MROH2A: variants seen among roughly 807,000 people sequenced by gnomAD.
The protein encoded by MROH2A is maestro heat like repeat family member 2A.
In MROH2A, 174 loss-of-function variants were observed where a neutral mutation model predicts 200.4. The observed-to-expected ratio is 0.87, with a 90% confidence interval of 0.77 to 0.98. The LOEUF is 0.98. Ranked by LOEUF, MROH2A falls within the 50% of genes least tolerant of loss-of-function variation. The pLI, the probability that MROH2A is intolerant of heterozygous loss-of-function variation, is 0.00. For missense variants in MROH2A, 2,045 were observed against 2,139.6 expected (o/e 0.96, Z 0.87); for synonymous variants, 829 against 840.4 (o/e 0.99, Z 0.23).
rs2124885785 is a variant in MROH2A, at chr2:233,823,602, C to T, written c.4051C>T (p.Leu1351=). Reference sequence around the variant, plus strand: ...GGGCCACAGGCAGAGGCTGGCCGAGCTGGTGCTCAGGGGCATGGACTCAGA... The same window carrying T: ...GGGCCACAGGCAGAGGCTGGCCGAGTTGGTGCTCAGGGGCATGGACTCAGA... ...VEGHRQRLAE[L]VLRGMDSEVL... is the part of the protein sequence containing the mutation. Residue 1351 remains leucine (L), a synonymous_variant, in exon 35 of 42, where the codon CTG becomes TTG. Transcript: ENST00000389758. 1 of 1,550,366 alleles carries T rather than the reference C, an allele frequency of 6.5e-7. No homozygotes were observed. The highest frequency in any genetic ancestry group is 1.2e-5 in the South Asian group (1 of 84,048).
intron 8 of MROH2A, 74 bp downstream of exon 8, chr2:233,794,580 T>A: frequency 9.1e-6 from 7 of 770,554 alleles, no homozygotes; most frequent in Admixed American, 2.5e-5. Flanking sequence ...TTAAAGGGGA[T>A]GAGTGGGAGC....
intron 12 of MROH2A, 44 bp downstream of exon 12, chr2:233,798,894 C>T (rs1018519855): frequency 1.3e-6 from 2 of 1,488,432 alleles, no homozygotes; most frequent in Non-Finnish European, 1.8e-6. Flanking sequence ...TCAGGGGACC[C>T]TGCCAGGGAG....
chr2:233,819,303 C>T lies in MROH2A; in HGVS notation c.3205-14C>T, dbSNP rs756238645. 44 of 1,546,944 alleles carry T rather than the reference C, an allele frequency of 2.8e-5. No individual in the cohort carries two copies. Among genetic ancestry groups the T allele is most frequent in the Middle Eastern group, 1.7e-4 (1 of 5,994 alleles). On this transcript the variant is annotated splice_polypyrimidine_tract_variant and intron_variant, in intron 29 of 41. Coordinates refer to ENST00000389758, the MANE Select transcript of MROH2A (RefSeq NM_001394639.1). Reference sequence around the variant, plus strand: ...GGCAGGGGAGGGCAGGGGAGTCACCCGCTCTGCTCCTAGGTGGTCTGCATG... The same window carrying T: ...GGCAGGGGAGGGCAGGGGAGTCACCTGCTCTGCTCCTAGGTGGTCTGCATG...
intron 11 of MROH2A, among the ~76,000 whole-genome samples, chr2:233,798,265 A>G (rs949130595): frequency 1.1e-4 from 17 of 152,228 alleles, no homozygotes; most frequent in African/African-American, 4.1e-4. Context: ...ACTCTGTGTT[A>G]ACTCTGTGAG....
intron 29 of MROH2A, among the ~76,000 whole-genome samples, chr2:233,819,110 A>G (rs1474898377): frequency 6.6e-6 from 1 of 152,168 alleles, no homozygotes; most frequent in African/African-American, 2.4e-5. Context: ...CACAGTGATG[A>G]ATGGAAGTGC....
rs533386724 is a variant in MROH2A at position 233,799,822 on chromosome 2, T to C, written c.1372T>C (p.Cys458Arg). The C allele has an allele frequency of 2.3e-4, 361 of 1,550,556 alleles. 2 individuals are homozygous for C. In the Middle Eastern group the frequency reaches 4.2e-3, roughly 18 times the overall value. Residue 458 changes from cysteine (C) to arginine (R), a missense_variant, in exon 13 of 42, where the codon TGT becomes CGT. Transcript: ENST00000389758. ...ILHIIGQLAL[C>R]GYQERIKGWG... ...CCACATCATTGGGCAGTTGGCTCTC[T>C]GTGGCTACCAGGAGAGAATCAAAGG...
chr2:233,787,485 A>T (rs12995326), intron 3 of MROH2A, among the ~76,000 whole-genome samples: 39,386 of 127,572 alleles, frequency 0.31, 6,658 homozygotes, highest in South Asian at 0.37. Flanking sequence ...TACATATATA[A>T]TATATATACA....
chr2:233,822,454 T>C lies in MROH2A; in HGVS notation c.3764T>C (p.Leu1255Pro). ...CCTGACCTCATCTACACCCTCCTGC[T>C]GCAGCTTGGAAGCAGCCACCGACCA... ...FLPDLIYTLL[L>P]QLGSSHRPEA... is the part of the protein sequence containing the mutation. The change falls in exon 33 of 42, where the codon CTG becomes CCG. Residue 1255 changes from leucine (L) to proline (P), a missense_variant. Around this residue, in one of 3 missense-constraint regions of MROH2A, gnomAD observed 1,201 missense variants for 1,311.3 expected, o/e 0.92. Transcript: ENST00000389758. 6.4e-7 allele frequency: 1 copy of C among 1,551,002 alleles called. No homozygotes were observed. Among genetic ancestry groups the C allele is most frequent in the South Asian group, 1.2e-5 (1 of 84,066 alleles).
rs1559435599 is a variant in MROH2A, at chr2:233,787,594, TA to T, written c.277-1902del. Among the ~76,000 whole-genome samples, 36 of 37,278 alleles carry T rather than the reference TA, an allele frequency of 9.7e-4. 6 individuals are homozygous for T. Among genetic ancestry groups the T allele is most frequent in the African/African-American group, 3.4e-3 (21 of 6,140 alleles). The allele number at this position is 37,278 out of a possible 152,430, so 24.5% of individuals were successfully genotyped here. ...TATATATATCATATATACATATATA[TA>T]TTATATATTATATATATCATATATA... On this transcript the variant is annotated intron_variant, in intron 3 of 41. Transcript: ENST00000389758.
intron 30 of MROH2A, 102 bp downstream of exon 30, chr2:233,819,571 T>C: frequency 8.1e-7 from 1 of 1,238,720 alleles, no homozygotes; most frequent in Non-Finnish European, 1.1e-6. Flanking sequence ...TCGCTGAGAA[T>C]GCCTCCCCCA....
In MROH2A at chr2:233,822,535, C is replaced by G. The variant is rs200309402; in HGVS notation, c.3845C>G (p.Pro1282Arg). Reference protein sequence around the residue: ...MWKLVHTTPLPEEMNLQRVTI... With the variant: ...MWKLVHTTPLREEMNLQRVTI... ...AAGCTGGTCCACACCACTCCTCTGC[C>G]GGAGGAGATGAACCTGCAAAGGTGC... Residue 1282 changes from proline (P) to arginine (R), a missense_variant, in exon 33 of 42, where the codon CCG (proline) becomes CGG (arginine). This residue lies in a region of MROH2A where 1,201 missense variants were observed against 1,311.3 expected (regional missense o/e 0.92). Coordinates refer to ENST00000389758, the MANE Select transcript of MROH2A (RefSeq NM_001394639.1). 1 of 1,550,062 alleles carries G rather than the reference C, an allele frequency of 6.5e-7. No individual in the cohort carries two copies. The highest frequency in any genetic ancestry group is 2.0e-5 in the Admixed American group (1 of 51,012).
Position 233,795,764 on chromosome 2 carries a change from G to C in MROH2A, c.1059+19G>C. 3 of 1,550,948 alleles carry C rather than the reference G, an allele frequency of 1.9e-6. No homozygotes were observed. Among genetic ancestry groups the C allele is most frequent in the Non-Finnish European group, 2.6e-6 (3 of 1,147,060 alleles). Reference sequence around the variant, plus strand: ...CGTCCAGGTGAGGCCAGCAAGCTCAGCTGGACAAGGGCATTCTCTGGGTGG... The same window carrying C: ...CGTCCAGGTGAGGCCAGCAAGCTCACCTGGACAAGGGCATTCTCTGGGTGG... On this transcript the variant is annotated intron_variant, in intron 9 of 41. Coordinates refer to ENST00000389758, the MANE Select transcript of MROH2A (RefSeq NM_001394639.1).
intron 25 of MROH2A, 100 bp from the exon 26 acceptor site, chr2:233,814,482 G>A: frequency 1.4e-6 from 1 of 733,068 alleles, no homozygotes. Context: ...AGAAGTTAGT[G>A]GATGACTGCC....
chr2:233,814,709 G>A, intron 26 of MROH2A, 32 bp downstream of exon 26: 1 of 1,454,038 alleles, frequency 6.9e-7, no homozygotes, highest in Non-Finnish European at 9.4e-7. Flanking sequence ...CAGAGCCAGG[G>A]ATGGCCACTC....
chr2:233,778,507 T>C (rs545621117), intron 1 of MROH2A, 26 bp downstream of exon 1: 149 of 169,366 alleles, frequency 8.8e-4, no homozygotes, highest in Non-Finnish European at 1.7e-3. Flanking sequence ...CCAGAGTAGC[T>C]CTTTAAAATC....
At chr2:233,814,827 C>A in intron 26 of MROH2A, 150 bp downstream of exon 26, 1 of 571,174 alleles carries the variant, frequency 1.8e-6, no homozygotes, top group East Asian at 3.1e-5. Flanking sequence ...TAAAAATTTG[C>A]AAGGATAGTG....
chr2:233,810,907 CATT>C lies in MROH2A; in HGVS notation c.2565_2567del (p.Ile856del), dbSNP rs1163453062. 2.6e-6 allele frequency: 4 copies of C among 1,550,080 alleles called. No individual in the cohort carries two copies. The highest frequency in any genetic ancestry group is 3.5e-6 in the Non-Finnish European group (4 of 1,146,656). On this transcript the variant is annotated inframe_deletion, in exon 23 of 42. Transcript: ENST00000389758. ...TTGCCCAGAAGACGACTCTTACCAG[CATT>C]ATAGTGGTAAGCTGGGTGGGGCACC...
chr2:233,819,119 G>T (rs571494580), intron 29 of MROH2A, among the ~76,000 whole-genome samples, 198 bp from the exon 30 acceptor site: 1 of 152,382 alleles, frequency 6.6e-6, no homozygotes, highest in East Asian at 1.9e-4. Context: ...GAATGGAAGT[G>T]CCTGGAGCCA....
chr2:233,792,583 G>A lies in MROH2A; in HGVS notation c.572-213G>A, dbSNP rs551673007. On this transcript the variant is annotated intron_variant, in intron 5 of 41. Transcript: ENST00000389758. Reference sequence around the variant, plus strand: ...CCACCTTGGCCTCCCAAAGTGCTGGGATTACAGGCGTGAGACACCGTGCCC... The same window carrying A: ...CCACCTTGGCCTCCCAAAGTGCTGGAATTACAGGCGTGAGACACCGTGCCC... 2.6e-5 allele frequency among the ~76,000 whole-genome samples: 4 copies of A among 152,214 alleles called. No individual in the cohort carries two copies. The South Asian group carries it at 8.3e-4, about 32-fold the overall frequency.
Sources: gnomAD v4.1 joint callset for allele counts (sites outside exome capture counted in the v4.1 genomes callset) on GRCh38, gnomAD v4.1.1 for gene constraint, gnomAD v4.1.1 regional missense constraint, MANE v1.5 for transcripts, NCBI Gene and HGNC (gene_info 2026-07-23, HGNC 2026-07-21) for gene names.